The following SORT1 variants were observed in gnomAD, a reference collection of about 807,000 sequenced individuals.
SORT1 encodes the protein sortilin.
In SORT1, 39 loss-of-function variants were observed where a neutral mutation model predicts 101.7. That is an observed-to-expected ratio of 0.38 (90% CI 0.30 to 0.50). The LOEUF (loss-of-function observed/expected upper bound fraction) is 0.50, where lower values mean the gene tolerates loss of function less well. Among genes scored for constraint, SORT1 ranks in the 20% least tolerant of loss-of-function variants. The probability of loss-of-function intolerance (pLI) is 0.90; values close to 1 mark genes in which losing one functional copy is unlikely to be tolerated. For missense variants in SORT1, 878 were observed against 1,040.4 expected (o/e 0.84, Z 2.15); for synonymous variants, 396 against 393.7 (o/e 1.01, Z -0.07).
chr1:109,393,133 C>T (rs1000909633), intron 1 of SORT1: 3 of 985,458 alleles, frequency 3.0e-6, no homozygotes, highest in Non-Finnish European at 3.6e-6. Flanking sequence ...GTCCTGTCAG[C>T]TTGGACTCAA....
chr1:109,382,465 A>C (rs1476336815), intron 1 of SORT1, among the ~76,000 whole-genome samples: 1 of 152,098 alleles, frequency 6.6e-6, no homozygotes, highest in African/African-American at 2.4e-5. Context: ...TTTATATTAC[A>C]CTAGTTAACA....
rs1647338288 is a variant in SORT1, at chr1:109,317,886, A to G, written c.2108T>C (p.Leu703Pro). 1 of 1,613,918 alleles carries G rather than the reference A, an allele frequency of 6.2e-7. No individual in the cohort carries two copies. The highest frequency in any genetic ancestry group is 8.5e-7 in the Non-Finnish European group (1 of 1,179,868). The part of the protein sequence containing the change: ...ELKGHDLEFC[L>P]YGREEHLTTN... The stretch of plus-strand genomic sequence containing the variant: ...TGTTAGGTGTTCTTCTCTTCCGTAC[A>G]GACAAAACTCCAGGTCGTGGCCCTT... The change falls in exon 16 of 20, where the codon CTG becomes CCG. Residue 703 changes from leucine (L) to proline (P), a missense_variant. By Grantham distance (98) the Leu-to-Pro change is moderately conservative. Transcript: ENST00000256637.
chr1:109,313,901 G>T lies in SORT1; in HGVS notation c.*142C>A. 7.5e-6 allele frequency: 5 copies of T among 669,340 alleles called. No homozygotes were observed. The highest frequency in any genetic ancestry group is 7.6e-6 in the Non-Finnish European group (3 of 393,826). The allele number at this position is 669,340 out of a possible 1,614,324, so 41.5% of individuals were successfully genotyped here. A position where few individuals can be genotyped will look rare whatever the true frequency, so the allele number is the denominator to read the frequency against. On this transcript the variant is annotated 3_prime_UTR_variant, in exon 20 of 20. Coordinates refer to ENST00000256637, the MANE Select transcript of SORT1 (RefSeq NM_002959.7). ...CCCACCCTGCATTTCTTTAGTGTAG[G>T]TCCTTTTGGCTTTGATGGAAGCAGC...
At chr1:109,350,892 T>A in intron 6 of SORT1, 37 bp downstream of exon 6, 1 of 1,390,422 alleles carries the variant, frequency 7.2e-7, no homozygotes, top group Non-Finnish European at 1.0e-6. Flanking sequence ...CAGGAAGGGT[T>A]TAGGGCTCTG....
intron 15 of SORT1, among the ~76,000 whole-genome samples, chr1:109,322,213 C>T (rs1035655535): frequency 3.3e-5 from 5 of 152,058 alleles, no homozygotes; most frequent in African/African-American, 1.2e-4. Flanking sequence ...GCTGGGATTA[C>T]AGGCATGAGC....
rs1373892814 is a variant in SORT1 at position 109,340,778 on chromosome 1, A to G, written c.1210T>C (p.Phe404Leu). 14 of 1,614,150 alleles carry G rather than the reference A, an allele frequency of 8.7e-6. No homozygotes were observed. The highest frequency in any genetic ancestry group is 1.1e-5 in the Non-Finnish European group (13 of 1,180,022). ...LYTTTGGETDFTNVTSLRGVY... is the reference protein window; with the variant it reads ...LYTTTGGETDLTNVTSLRGVY... Reference sequence around the variant, plus strand: ...CCGCGGAGGGAGGTCACGTTGGTAAAGTCCGTCTCTCCGCCTGTGGTAGTG... The same window carrying G: ...CCGCGGAGGGAGGTCACGTTGGTAAGGTCCGTCTCTCCGCCTGTGGTAGTG... Residue 404 changes from phenylalanine to leucine, a missense_variant, in exon 10 of 20, where the codon TTT (phenylalanine) becomes CTT (leucine). Around this residue, in one of 2 missense-constraint regions of SORT1, gnomAD observed 684 missense variants for 894.5 expected, o/e 0.76. Transcript: ENST00000256637.
intron 3 of SORT1, among the ~76,000 whole-genome samples, chr1:109,364,214 A>T (rs1033947357): frequency 1.5e-4 from 23 of 152,236 alleles, no homozygotes; most frequent in African/African-American, 5.3e-4. Flanking sequence ...AAGACTAGAC[A>T]AAAACAGGCT....
intron 15 of SORT1, among the ~76,000 whole-genome samples, chr1:109,318,214 C>T (rs577409580): frequency 2.7e-5 from 4 of 148,266 alleles, no homozygotes; most frequent in African/African-American, 7.5e-5. Context: ...AGTGCAGTGG[C>T]GTGTTCTTGG....
chr1:109,378,699 GATATATATATATATATATATAT>G (rs58847953), intron 1 of SORT1, among the ~76,000 whole-genome samples: 2,291 of 35,496 alleles, frequency 0.065, 100 homozygotes, highest in Non-Finnish European at 0.089. Flanking sequence ...TAGAGTGAAT[GATATATATATATATATATATAT>G]ATATATATAT....
chr1:109,316,031 A>G (rs1268169801), intron 17 of SORT1, among the ~76,000 whole-genome samples: 1 of 152,046 alleles, frequency 6.6e-6, no homozygotes, highest in Non-Finnish European at 1.5e-5. Context: ...AAGTGCTGGG[A>G]CTATACAGGA....
chr1:109,359,400 A>G (rs1650564748), intron 3 of SORT1, among the ~76,000 whole-genome samples: 1 of 151,852 alleles, frequency 6.6e-6, no homozygotes, highest in African/African-American at 2.4e-5. Flanking sequence ...CGGCATCCTG[A>G]CACCCCCACC....
At chr1:109,319,124 G>A (rs898898620) in intron 15 of SORT1, among the ~76,000 whole-genome samples, 21 of 152,142 alleles carry the variant, frequency 1.4e-4, no homozygotes, top group Non-Finnish European at 2.8e-4. Context: ...TGTTGCCCTT[G>A]CAGTACACGG....
chr1:109,333,981 C>T (rs947355297), intron 11 of SORT1, among the ~76,000 whole-genome samples: 4 of 152,206 alleles, frequency 2.6e-5, no homozygotes, highest in South Asian at 4.2e-4. Context: ...CCCGTCACTA[C>T]TAAAGACACA....
chr1:109,380,776 A>ATTACACCCCT (rs1652171614), intron 1 of SORT1, among the ~76,000 whole-genome samples: 1 of 140,520 alleles, frequency 7.1e-6, no homozygotes, highest in African/African-American at 2.6e-5. Context: ...TGGGAGTTTG[A>ATTACACCCCT]GACCAGCCTG....
At chr1:109,339,395 T>C (rs1295735709) in intron 10 of SORT1, among the ~76,000 whole-genome samples, 1 of 152,192 alleles carries the variant, frequency 6.6e-6, no homozygotes, top group Non-Finnish European at 1.5e-5. Flanking sequence ...CAGAGGAGCA[T>C]CAGTGAACAC....
chr1:109,349,185 A>C (rs1318101373), intron 6 of SORT1, among the ~76,000 whole-genome samples: 1 of 152,054 alleles, frequency 6.6e-6, no homozygotes, highest in African/African-American at 2.4e-5. Context: ...TTGCTACTAA[A>C]AATACAAAAG....
intron 3 of SORT1, among the ~76,000 whole-genome samples, chr1:109,358,910 A>C (rs965415051): frequency 6.6e-6 from 1 of 152,114 alleles, no homozygotes; most frequent in Non-Finnish European, 1.5e-5. Context: ...CATCAACACT[A>C]ATATCCATTT....
Position 109,342,427 on chromosome 1 carries a change from T to C in SORT1, c.964-269A>G, listed in dbSNP as rs181084238. Among the ~76,000 whole-genome samples, 9 of 152,320 alleles carry C rather than the reference T, an allele frequency of 5.9e-5. No individual in the cohort carries two copies. The East Asian group carries it at 1.7e-3, about 29-fold the overall frequency. Reference sequence around the variant, plus strand: ...TCTGATGCGGCCCTGTAAGATAGTATAGTCTTGGTCTCTGATAGTCCACCT... The same window carrying C: ...TCTGATGCGGCCCTGTAAGATAGTACAGTCTTGGTCTCTGATAGTCCACCT... On this transcript the variant is annotated intron_variant, in intron 8 of 19. Transcript: ENST00000256637.
chr1:109,314,302 A>T lies in SORT1; in HGVS notation c.2440T>A (p.Ser814Thr). 6.2e-7 allele frequency: 1 copy of T among 1,613,534 alleles called. No homozygotes were observed. Among genetic ancestry groups the T allele is most frequent in the Non-Finnish European group, 8.5e-7 (1 of 1,179,866 alleles). ...TGATAACCACTTTTATTAGTGTGGG[A>T]GGCTGTGTCCAAAGCATCCACACCA... ...VDGVDALDTA[S>T]HTNKSGYHDD... The change falls in exon 19 of 20, where the codon TCC (serine) becomes ACC (threonine). Residue 814 changes from serine to threonine, a missense_variant. By Grantham distance (58) the Ser-to-Thr change is moderately conservative (BLOSUM62 1). Transcript: ENST00000256637.
Sources: allele counts gnomAD v4.1 joint callset (sites outside exome capture counted in the v4.1 genomes callset), GRCh38; gene constraint gnomAD v4.1.1; regional missense constraint gnomAD v4.1.1; transcripts MANE v1.5; gene names NCBI Gene and HGNC (gene_info 2026-07-23, HGNC 2026-07-21).